BCL2L1: variants seen among roughly 807,000 people sequenced by gnomAD.
BCL2L1 encodes the protein BCL2 like 1, also known as bcl-2-like protein 1.
In BCL2L1, 1 loss-of-function variant was observed where a neutral mutation model predicts 18.7. That is an observed-to-expected ratio of 0.05 (90% confidence interval 0.02 to 0.25). The LOEUF is 0.25. Among genes scored for constraint, BCL2L1 ranks in the 10% least tolerant of loss-of-function variants. The pLI is 1.00. For synonymous variants in BCL2L1, 103 were observed against 122.7 expected (o/e 0.84, Z 1.06); for missense variants, 207 against 304.9 (o/e 0.68, Z 2.39).
chr20:31,665,914 G>T lies in BCL2L1; in HGVS notation c.*35C>A, dbSNP rs765845311. On this transcript the variant is annotated 3_prime_UTR_variant, in exon 3 of 3. Transcript: ENST00000307677. ...CGGAGGATGTGGTGGAGCAGAGAAG[G>T]GGGTGGGAGGGTAGAGTGGATGGTC... 2.1e-5 allele frequency: 33 copies of T among 1,606,584 alleles called. No individual in the cohort carries two copies. In the Admixed American group the frequency reaches 4.9e-4, roughly 24 times the overall value.
chr20:31,713,564 C>T, intron 2 of BCL2L1: 2 of 985,330 alleles, frequency 2.0e-6, no homozygotes, highest in Non-Finnish European at 2.4e-6. Flanking sequence ...AGCTGTGTGG[C>T]TCAGAGTTCA....
chr20:31,713,527 G>C (rs1214053826), intron 2 of BCL2L1: 1 of 985,224 alleles, frequency 1.0e-6, no homozygotes, highest in African/African-American at 1.7e-5. Context: ...CTCCAGTTCC[G>C]AGGGGAGCAC....
intron 2 of BCL2L1, among the ~76,000 whole-genome samples, chr20:31,717,859 G>T (rs185665009): frequency 2.6e-5 from 4 of 152,354 alleles, no homozygotes; most frequent in Admixed American, 2.6e-4. Context: ...TTCAGGGACA[G>T]CAATCCCAAA....
intron 2 of BCL2L1, among the ~76,000 whole-genome samples, chr20:31,711,069 G>A (rs998932713): frequency 6.6e-6 from 1 of 152,160 alleles, no homozygotes; most frequent in African/African-American, 2.4e-5. Context: ...CTGAACCCTA[G>A]ATTCTCCATC....
intron 2 of BCL2L1, among the ~76,000 whole-genome samples, chr20:31,675,720 G>A (rs2060748731): frequency 6.6e-6 from 1 of 152,158 alleles, no homozygotes; most frequent in Non-Finnish European, 1.5e-5. Context: ...GCCGGCCCAG[G>A]TATGGGTGGG....
At chr20:31,684,173 C>A (rs2060916359) in intron 2 of BCL2L1, among the ~76,000 whole-genome samples, 1 of 152,024 alleles carries the variant, frequency 6.6e-6, no homozygotes, top group Admixed American at 6.6e-5. Context: ...AGGGTGTGGA[C>A]AAAGAGACTG....
intron 2 of BCL2L1, among the ~76,000 whole-genome samples, chr20:31,715,116 C>G (rs1245658970): frequency 1.3e-5 from 2 of 151,842 alleles, no homozygotes; most frequent in Non-Finnish European, 2.9e-5. Flanking sequence ...ACTAAAAATA[C>G]CAAAAATTAG....
intron 2 of BCL2L1, among the ~76,000 whole-genome samples, chr20:31,698,836 G>C (rs1355978687): frequency 6.6e-6 from 1 of 152,116 alleles, no homozygotes; most frequent in Non-Finnish European, 1.5e-5. Context: ...CACCACACCT[G>C]CCCTTTTTTG....
At chr20:31,688,444 C>CAAAAAAAAA (rs11362299) in intron 2 of BCL2L1, among the ~76,000 whole-genome samples, 1 of 86,686 alleles carries the variant, frequency 1.2e-5, no homozygotes, top group Non-Finnish European at 2.5e-5. Context: ...ACTCTGTCTC[C>CAAAAAAAAA]AAAAAAAAAA....
chr20:31,719,140 G>C (rs2061584201), intron 2 of BCL2L1, among the ~76,000 whole-genome samples: 1 of 151,038 alleles, frequency 6.6e-6, no homozygotes, highest in Non-Finnish European at 1.5e-5. Flanking sequence ...CATGAAGGAA[G>C]GTACCATGCG....
chr20:31,722,129 C>A lies in BCL2L1; in HGVS notation c.90G>T (p.Val30=). ...CTGGGGCCTCAGTCCTGTTCTCTTC[C>A]ACATCACTAAACTGACTCCAGCTGT... ...KGYSWSQFSD[V]EENRTEAPEG... Residue 30 remains valine, a synonymous_variant, in exon 2 of 3, where the codon GTG becomes GTT. Coordinates refer to ENST00000307677, the MANE Select transcript of BCL2L1 (RefSeq NM_138578.3). 1 of 1,541,922 alleles carries A rather than the reference C, an allele frequency of 6.5e-7. No homozygotes were observed. The highest frequency in any genetic ancestry group is 8.7e-7 in the Non-Finnish European group (1 of 1,147,832).
chr20:31,670,929 C>T (rs1293021133), intron 2 of BCL2L1, among the ~76,000 whole-genome samples: 1 of 152,172 alleles, frequency 6.6e-6, no homozygotes, highest in Non-Finnish European at 1.5e-5. Flanking sequence ...CAGAGATAAG[C>T]CCCTACTGCA....
intron 2 of BCL2L1, among the ~76,000 whole-genome samples, chr20:31,711,381 A>C (rs184619871): frequency 2.0e-5 from 3 of 152,330 alleles, no homozygotes; most frequent in Admixed American, 2.0e-4. Flanking sequence ...GGTGATTAAT[A>C]CATATCAACT....
intron 2 of BCL2L1, chr20:31,721,007 T>A: frequency 1.0e-6 from 1 of 983,816 alleles, no homozygotes; most frequent in Non-Finnish European, 1.2e-6. Context: ...AGTCGCACAC[T>A]TTGGGGGAAA....
chr20:31,719,277 C>T (rs1330271701), intron 2 of BCL2L1, among the ~76,000 whole-genome samples: 1 of 152,168 alleles, frequency 6.6e-6, no homozygotes, highest in African/African-American at 2.4e-5. Flanking sequence ...GACTAATTTC[C>T]TTCCCCTTTC....
At chr20:31,670,578 C>T (rs2060651789) in intron 2 of BCL2L1, among the ~76,000 whole-genome samples, 1 of 152,200 alleles carries the variant, frequency 6.6e-6, no homozygotes, top group Admixed American at 6.5e-5. Flanking sequence ...GTGGAGGGAA[C>T]ATTCTCATTT....
chr20:31,698,565 G>A (rs2061223841), intron 2 of BCL2L1, among the ~76,000 whole-genome samples: 1 of 151,666 alleles, frequency 6.6e-6, no homozygotes, highest in African/African-American at 2.4e-5. Flanking sequence ...TTTGGAGACG[G>A]TCTCGCTTTG....
chr20:31,723,623 G>A, upstream of BCL2L1: 2 of 985,522 alleles, frequency 2.0e-6, no homozygotes, highest in Non-Finnish European at 1.2e-6. Flanking sequence ...CTCGCCCCCG[G>A]CGGTCCGCCC....
At chr20:31,681,807 T>C (rs1459174363) in intron 2 of BCL2L1, among the ~76,000 whole-genome samples, 2 of 152,170 alleles carry the variant, frequency 1.3e-5, no homozygotes, top group African/African-American at 2.4e-5. Context: ...TGAGGACCTA[T>C]ATGAAGAAAG....
Sources: gnomAD v4.1 joint callset for allele counts (sites outside exome capture counted in the v4.1 genomes callset) on GRCh38, gnomAD v4.1.1 for gene constraint, MANE v1.5 for transcripts, NCBI Gene and HGNC (gene_info 2026-07-23, HGNC 2026-07-21) for gene names.